The following SENP3 variants were observed in gnomAD, a reference collection of about 807,000 sequenced individuals.
The protein encoded by SENP3 is SUMO specific peptidase 3, also known as sentrin-specific protease 3.
Under a neutral mutation model 66.2 loss-of-function variants are expected in SENP3, and 11 were observed. That is an observed-to-expected ratio of 0.17 (90% CI 0.10 to 0.28). The LOEUF is 0.28. Among genes scored for constraint, SENP3 ranks in the 10% least tolerant of loss-of-function variants. The pLI is 1.00. For missense variants in SENP3, 548 were observed against 743.7 expected, an observed-to-expected ratio of 0.74 and a Z score of 3.06; for synonymous variants, 292 against 277.6, an observed-to-expected ratio of 1.05 and a Z score of -0.52.
chr17:7,570,462 C>T lies in SENP3; in HGVS notation c.1448C>T (p.Ser483Leu). ...VRRRTITYFDSQRTLNRRCPK... is the reference protein window; with the variant it reads ...VRRRTITYFDLQRTLNRRCPK... ...CGACGCACCATCACCTATTTTGACT[C>T]GCAGCGTACCCTAAACCGCCGCTGC... Residue 483 changes from serine to leucine, a missense_variant, in exon 8 of 11, where the codon TCG becomes TTG. Ser to Leu is a moderately radical substitution (Grantham distance 145, BLOSUM62 -2). Coordinates refer to ENST00000321337, the MANE Select transcript of SENP3 (RefSeq NM_015670.6). This position sits in a 1 kb window ranked among gnomAD's most constrained non-coding sequence, Gnocchi z 5.4. The T allele has an allele frequency of 6.2e-7, 1 of 1,613,372 alleles. No individual in the cohort carries two copies. Among genetic ancestry groups the T allele is most frequent in the Non-Finnish European group, 8.5e-7 (1 of 1,179,790 alleles).
chr17:7,565,644 G>A, intron 5 of SENP3, 57 bp downstream of exon 5: 3 of 1,613,234 alleles, frequency 1.9e-6, no homozygotes, highest in Non-Finnish European at 2.5e-6. Context: ...GGGTGTCTGG[G>A]GCCCTCTGCA....
At position 7,570,177 on chromosome 17, in the gene SENP3, C is replaced by T. The variant is rs914913150; in HGVS notation, c.1342-179C>T. Among the ~76,000 whole-genome samples, 11 of 152,196 alleles carry T rather than the reference C, an allele frequency of 7.2e-5. No homozygotes were observed. Among genetic ancestry groups the T allele is most frequent in the Admixed American group, 2.0e-4 (3 of 15,284 alleles). On this transcript the variant is annotated intron_variant, in intron 7 of 10. Transcript: ENST00000321337. The surrounding 1 kb of genome is among the most constrained non-coding windows in gnomAD (Gnocchi z 5.4). ...GATGTCTCCTCCATTGTCTGACCTT[C>T]CTCCCTTACCCCGAAGAACCGAAAC...
At position 7,562,518 on chromosome 17, in the gene SENP3, G is replaced by C. The variant is rs1488343393; in HGVS notation, c.-12+255G>C. Among the ~76,000 whole-genome samples the C allele has an allele frequency of 2.0e-5, 3 of 152,224 alleles. No individual in the cohort carries two copies. Among genetic ancestry groups the C allele is most frequent in the Non-Finnish European group, 4.4e-5 (3 of 68,042 alleles). On this transcript the variant is annotated intron_variant, in intron 1 of 10. Transcript: ENST00000321337. This position sits in a 1 kb window ranked among gnomAD's most constrained non-coding sequence, Gnocchi z 5.0. ...AGCGTCTTGATTCGGTTCTCTTTAA[G>C]TTTCCTTCAAAGTTCTTCCCCGTTT...
In SENP3 at chr17:7,562,383, C is replaced by G. The variant is rs2071224486; in HGVS notation, c.-12+120C>G. The G allele has an allele frequency of 2.5e-6, 1 of 395,670 alleles. No homozygotes were observed. Among genetic ancestry groups the G allele is most frequent in the Admixed American group, 4.4e-5 (1 of 22,630 alleles). The allele number at this position is 395,670 out of a possible 1,614,324, so 24.5% of individuals were successfully genotyped here. A position where few individuals can be genotyped will look rare whatever the true frequency, so the allele number is the denominator to read the frequency against. Reference sequence around the variant, plus strand: ...GGGGCTTCTTAAGGCCCGTGTGCGCCGAGCCATCCAAGCTCGTGGGACCGG... The same window carrying G: ...GGGGCTTCTTAAGGCCCGTGTGCGCGGAGCCATCCAAGCTCGTGGGACCGG... On this transcript the variant is annotated intron_variant, in intron 1 of 10. Transcript: ENST00000321337. This position sits in a 1 kb window ranked among gnomAD's most constrained non-coding sequence, Gnocchi z 5.0.
intron 3 of SENP3, 24 bp downstream of exon 3, chr17:7,564,888 CCT>C: frequency 3.1e-6 from 5 of 1,602,522 alleles, no homozygotes; most frequent in Non-Finnish European, 1.7e-6. Context: ...AAGCAACTAG[CCT>C]CTCTCCCTTC....
chr17:7,562,365 C>T lies in SENP3; in HGVS notation c.-12+102C>T. Reference sequence around the variant, plus strand: ...GGCCCAGAGGCCCGCATAGGGGCTTCTTAAGGCCCGTGTGCGCCGAGCCAT... The same window carrying T: ...GGCCCAGAGGCCCGCATAGGGGCTTTTTAAGGCCCGTGTGCGCCGAGCCAT... On this transcript the variant is annotated intron_variant, in intron 1 of 10. Transcript: ENST00000321337. This position sits in a 1 kb window ranked among gnomAD's most constrained non-coding sequence, Gnocchi z 5.0. 2.5e-6 allele frequency: 1 copy of T among 395,882 alleles called. No homozygotes were observed. Among genetic ancestry groups the T allele is most frequent in the Non-Finnish European group, 4.4e-6 (1 of 224,734 alleles). The allele number at this position is 395,882 out of a possible 1,614,324, so 24.5% of individuals were successfully genotyped here.
chr17:7,562,321 C>T lies in SENP3; in HGVS notation c.-12+58C>T. On this transcript the variant is annotated intron_variant, in intron 1 of 10. Transcript: ENST00000321337. The surrounding 1 kb of genome is among the most constrained non-coding windows in gnomAD (Gnocchi z 5.0). ...GCCTTGGCCTCTCCCATTCCTGGGC[C>T]TCGCTCCCACCGAACCGGGGCCCAG... The T allele has an allele frequency of 2.5e-6, 1 of 396,960 alleles. No individual in the cohort carries two copies. Among genetic ancestry groups the T allele is most frequent in the Non-Finnish European group, 4.4e-6 (1 of 225,170 alleles). 24.6% of individuals were successfully genotyped at this position (396,960 alleles called of 1,614,324 possible).
rs953851416 is a variant in SENP3, at chr17:7,562,890, C to T, written c.-11-176C>T. On this transcript the variant is annotated intron_variant, in intron 1 of 10. Transcript: ENST00000321337. This position sits in a 1 kb window ranked among gnomAD's most constrained non-coding sequence, Gnocchi z 5.0. ...ACTGGGGAGAGATGATGGCACAGAC[C>T]CTGAAGGGCCCCTTGTGGACCGCGT... Among the ~76,000 whole-genome samples the T allele has an allele frequency of 6.6e-6, 1 of 152,130 alleles. No individual in the cohort carries two copies.
chr17:7,565,853 C>A, intron 6 of SENP3, 89 bp downstream of exon 6: 1 of 1,125,848 alleles, frequency 8.9e-7, no homozygotes, highest in African/African-American at 1.5e-5. Flanking sequence ...TCATTTTACA[C>A]AGAGAGGGTC....
At chr17:7,564,270 C>G in intron 2 of SENP3, 1 of 418,056 alleles carries the variant, frequency 2.4e-6, no homozygotes. Context: ...CTCTCTAGGT[C>G]TTTATTACAT....
At chr17:7,564,351 A>G (rs761032659) in intron 2 of SENP3, 77 of 588,312 alleles carry the variant, frequency 1.3e-4, no homozygotes, top group Middle Eastern at 5.2e-4. Flanking sequence ...AGTGGTGACA[A>G]ATATCCCGAA....
In SENP3 at chr17:7,570,533, G is replaced by T; in HGVS notation, c.1479+40G>T. 2.5e-6 allele frequency: 4 copies of T among 1,597,104 alleles called. No individual in the cohort carries two copies. The highest frequency in any genetic ancestry group is 2.6e-6 in the Non-Finnish European group (3 of 1,170,522). Reference sequence around the variant, plus strand: ...GAGAGAGATGGGCAAAATGTGGGGCGGTGCAGTGGCAAGGCATTGCAGGAA... The same window carrying T: ...GAGAGAGATGGGCAAAATGTGGGGCTGTGCAGTGGCAAGGCATTGCAGGAA... On this transcript the variant is annotated intron_variant, in intron 8 of 10. Coordinates refer to ENST00000321337, the MANE Select transcript of SENP3 (RefSeq NM_015670.6). The surrounding 1 kb of genome is among the most constrained non-coding windows in gnomAD (Gnocchi z 5.4).
In SENP3 at chr17:7,562,782, G is replaced by A. The variant is rs543323855; in HGVS notation, c.-11-284G>A. ...GTATTAAAATAAAGACGTAGAACCTGGCAGTGCTATTGGGTTTGGCCTGGT... is the reference window on the plus strand; with the variant it reads ...GTATTAAAATAAAGACGTAGAACCTAGCAGTGCTATTGGGTTTGGCCTGGT... On this transcript the variant is annotated intron_variant, in intron 1 of 10. Coordinates refer to ENST00000321337, the MANE Select transcript of SENP3 (RefSeq NM_015670.6). This position sits in a 1 kb window ranked among gnomAD's most constrained non-coding sequence, Gnocchi z 5.0. 1.3e-5 allele frequency among the ~76,000 whole-genome samples: 2 copies of A among 152,294 alleles called. No individual in the cohort carries two copies. Among genetic ancestry groups the A allele is most frequent in the East Asian group, 1.9e-4 (1 of 5,190 alleles).
Position 7,571,520 on chromosome 17 carries a change from G to A in SENP3, c.*37G>A. 2 of 1,406,518 alleles carry A rather than the reference G, an allele frequency of 1.4e-6. No individual in the cohort carries two copies. The highest frequency in any genetic ancestry group is 2.0e-6 in the Non-Finnish European group (2 of 994,396). The allele number at this position is 1,406,518 out of a possible 1,614,324, so 87.1% of individuals were successfully genotyped here. On this transcript the variant is annotated 3_prime_UTR_variant, in exon 11 of 11. Transcript: ENST00000321337. ...CAGACCCCAAGCCCATAAATGGGAA[G>A]GGAGACATGGGAGTCCCTTCCCAAG... is the stretch of plus-strand genomic sequence containing the variant.
rs910965093 is a variant in SENP3, at chr17:7,570,993, G to A, written c.1614+60G>A. 1.4e-5 allele frequency: 21 copies of A among 1,496,592 alleles called. No homozygotes were observed. The highest frequency in any genetic ancestry group is 1.3e-4 in the Admixed American group (7 of 53,242). The allele number at this position is 1,496,592 out of a possible 1,614,324, so 92.7% of individuals were successfully genotyped here. A position where few individuals can be genotyped will look rare whatever the true frequency, so the allele number is the denominator to read the frequency against. Reference sequence around the variant, plus strand: ...GAAGTCAGTTGGGTTAAAGGGTCGGGAGGCTGTTATGCATCCCCTCATTTG... The same window carrying A: ...GAAGTCAGTTGGGTTAAAGGGTCGGAAGGCTGTTATGCATCCCCTCATTTG... On this transcript the variant is annotated intron_variant, in intron 10 of 10. Transcript: ENST00000321337. This position sits in a 1 kb window ranked among gnomAD's most constrained non-coding sequence, Gnocchi z 5.4.
chr17:7,563,743 G>A lies in SENP3; in HGVS notation c.667G>A (p.Glu223Lys), dbSNP rs753640093. 1 of 1,582,038 alleles carries A rather than the reference G, an allele frequency of 6.3e-7. No homozygotes were observed. The highest frequency in any genetic ancestry group is 8.6e-7 in the Non-Finnish European group (1 of 1,160,216). ...PPVPSGPPME[E>K]DGLRWTPKSP... ...AGTGCCCTCTGGGCCCCCCATGGAG[G>A]AAGATGGACTCAGGTGGACTCCAAA... The change falls in exon 2 of 11, where the codon GAA (glutamate) becomes AAA (lysine). Residue 223 changes from glutamate (E) to lysine (K), a missense_variant. By Grantham distance (56) the Glu-to-Lys change is moderately conservative (BLOSUM62 1). Transcript: ENST00000321337.
rs1318274367 is a variant in SENP3 at position 7,562,501 on chromosome 17, G to A, written c.-12+238G>A. ...GCGCTCCGTTCTGTCCCAGCGTCTTGATTCGGTTCTCTTTAAGTTTCCTTC... is the reference window on the plus strand; with the variant it reads ...GCGCTCCGTTCTGTCCCAGCGTCTTAATTCGGTTCTCTTTAAGTTTCCTTC... On this transcript the variant is annotated intron_variant, in intron 1 of 10. Transcript: ENST00000321337. The surrounding 1 kb of genome is among the most constrained non-coding windows in gnomAD (Gnocchi z 5.0). Among the ~76,000 whole-genome samples, 1 of 152,248 alleles carries A rather than the reference G, an allele frequency of 6.6e-6. No individual in the cohort carries two copies. Among genetic ancestry groups the A allele is most frequent in the African/African-American group, 2.4e-5 (1 of 41,466 alleles).
In SENP3 at chr17:7,564,831, C is replaced by T; in HGVS notation, c.922C>T (p.Pro308Ser). 2 of 1,612,500 alleles carry T rather than the reference C, an allele frequency of 1.2e-6. No individual in the cohort carries two copies. Among genetic ancestry groups the T allele is most frequent in the Non-Finnish European group, 1.7e-6 (2 of 1,179,104 alleles). The change falls in exon 3 of 11, where the codon CCC becomes TCC. Residue 308 changes from proline to serine, a missense_variant. By Grantham distance (74) the Pro-to-Ser change is moderately conservative (BLOSUM62 -1). Coordinates refer to ENST00000321337, the MANE Select transcript of SENP3 (RefSeq NM_015670.6). ...TGGGGAGAAAGCCGGCCAGCACAGC[C>T]CCCTGCGAGAGGAGCATGTGACCTG... ...RPGEKAGQHSPLREEHVTCVQ... is the reference protein window; with the variant it reads ...RPGEKAGQHSSLREEHVTCVQ...
intron 7 of SENP3, among the ~76,000 whole-genome samples, chr17:7,569,176 G>A (rs995389728): frequency 7.9e-5 from 12 of 151,906 alleles, no homozygotes; most frequent in Non-Finnish European, 1.6e-4. Flanking sequence ...ACCAGGTCAG[G>A]AGATCAAGAC....
Sources: allele counts gnomAD v4.1 joint callset (sites outside exome capture counted in the v4.1 genomes callset), GRCh38; gene constraint gnomAD v4.1.1; non-coding constraint Gnocchi (gnomAD v3.1); transcripts MANE v1.5; gene names NCBI Gene and HGNC (gene_info 2026-07-23, HGNC 2026-07-21).